The following RPRD2 variants were observed in gnomAD, a reference collection of about 807,000 sequenced individuals.
RPRD2 encodes the protein regulation of nuclear pre-mRNA domain containing 2.
RPRD2 carries 12 observed loss-of-function variants against 104.4 expected under a neutral mutation model. That is an observed-to-expected ratio of 0.11 (90% CI 0.07 to 0.19). The LOEUF (loss-of-function observed/expected upper bound fraction) is 0.19. Ranked by LOEUF, RPRD2 falls within the 10% of genes least tolerant of loss-of-function variation. RPRD2 has a pLI of 1.00. For missense variants in RPRD2, 1,543 were observed against 1,790.1 expected, an observed-to-expected ratio of 0.86 and a Z score of 2.49; for synonymous variants, 714 against 684.9, an observed-to-expected ratio of 1.04 and a Z score of -0.66.
chr1:150,454,400 T>C (rs1424698870), intron 7 of RPRD2, among the ~76,000 whole-genome samples: 1 of 152,148 alleles, frequency 6.6e-6, no homozygotes, highest in Non-Finnish European at 1.5e-5. Context: ...ACTTAGTTTT[T>C]GGTGGCCTTA....
chr1:150,457,351 A>G lies in RPRD2; in HGVS notation c.934A>G (p.Thr312Ala). ...GAAGAAGTTGGATCAATTGAAGTCA[A>G]CCCTTCCAGATCCTGAAGAATCACC... ...LKKKLDQLKSTLPDPEESPVP... is the reference protein window; with the variant it reads ...LKKKLDQLKSALPDPEESPVP... The change falls in exon 8 of 11, where the codon ACC becomes GCC. Residue 312 changes from threonine to alanine, a missense_variant. Around this residue, in one of 4 missense-constraint regions of RPRD2, gnomAD observed 572 missense variants for 787.3 expected, o/e 0.73. Coordinates refer to ENST00000369068, the MANE Select transcript of RPRD2 (RefSeq NM_015203.5). 1 of 1,609,172 alleles carries G rather than the reference A, an allele frequency of 6.2e-7. No individual in the cohort carries two copies.
At chr1:150,465,354 G>A (rs1214803321) in intron 10 of RPRD2, among the ~76,000 whole-genome samples, 1 of 151,840 alleles carries the variant, frequency 6.6e-6, no homozygotes, top group Non-Finnish European at 1.5e-5. Context: ...CTGACCTCAG[G>A]CAGTCCACCC....
At chr1:150,389,321 A>T (rs1216906500) in intron 1 of RPRD2, among the ~76,000 whole-genome samples, 6 of 152,160 alleles carry the variant, frequency 3.9e-5, no homozygotes, top group Admixed American at 3.9e-4. Flanking sequence ...AAGTGCTGGG[A>T]TTACAGGTGT....
Position 150,472,421 on chromosome 1 carries a change from G to C in RPRD2, c.3473G>C (p.Gly1158Ala), listed in dbSNP as rs368855249. 13 of 1,613,928 alleles carry C rather than the reference G, an allele frequency of 8.1e-6. No individual in the cohort carries two copies. Among genetic ancestry groups the C allele is most frequent in the Non-Finnish European group, 1.1e-5 (13 of 1,179,884 alleles). The change falls in exon 11 of 11, where the codon GGC becomes GCC. Residue 1158 changes from glycine to alanine, a missense_variant. By Grantham distance (60) the Gly-to-Ala change is moderately conservative (BLOSUM62 0). Around this residue, in one of 4 missense-constraint regions of RPRD2, gnomAD observed 880 missense variants for 885.6 expected, o/e 0.99. Transcript: ENST00000369068. ...LASLGGGGSG[G>A]LTGFKTAPYK... The stretch of plus-strand genomic sequence containing the variant: ...TCCCTTGGGGGTGGGGGCAGCGGAG[G>C]CCTCACTGGCTTTAAAACAGCACCA...
At chr1:150,436,920 T>TA (rs1320340560) in intron 2 of RPRD2, among the ~76,000 whole-genome samples, 11 of 146,112 alleles carry the variant, frequency 7.5e-5, no homozygotes, top group African/African-American at 2.8e-4. Context: ...AAAGAAAAAA[T>TA]ACAGGCTGGG....
At chr1:150,441,784 C>A in intron 3 of RPRD2, 97 bp from the exon 4 acceptor site, 1 of 704,646 alleles carries the variant, frequency 1.4e-6, no homozygotes, top group Non-Finnish European at 2.4e-6. Flanking sequence ...CACACAGTCT[C>A]GGATTGCCTT....
intron 2 of RPRD2, among the ~76,000 whole-genome samples, chr1:150,440,334 C>G (rs1477794855): frequency 6.6e-6 from 1 of 152,166 alleles, no homozygotes; most frequent in Admixed American, 6.6e-5. Context: ...TCCCAAAGCG[C>G]TGGGATTACA....
chr1:150,411,564 G>A (rs1663919255), intron 1 of RPRD2, among the ~76,000 whole-genome samples: 1 of 120,716 alleles, frequency 8.3e-6, no homozygotes, highest in Non-Finnish European at 1.7e-5. Context: ...CCCAAGGCAG[G>A]TGGATCACCT....
At chr1:150,366,297 A>G (rs587684250) in intron 1 of RPRD2, among the ~76,000 whole-genome samples, 2 of 152,336 alleles carry the variant, frequency 1.3e-5, no homozygotes, top group South Asian at 2.1e-4. Context: ...TTTACCTTTT[A>G]GAGAACAGAT....
Position 150,398,387 on chromosome 1 carries a change from G to A in RPRD2, c.206-19209G>A, listed in dbSNP as rs587610369. 7.9e-5 allele frequency among the ~76,000 whole-genome samples: 12 copies of A among 151,716 alleles called. No individual in the cohort carries two copies. The East Asian group carries it at 1.9e-3, about 25-fold the overall frequency. ...AATTTTTTGTATTTTTAGTAGAGAC[G>A]GGGTTTCACTGTGTTAGCCAGGATG... On this transcript the variant is annotated intron_variant, in intron 1 of 10. Coordinates refer to ENST00000369068, the MANE Select transcript of RPRD2 (RefSeq NM_015203.5).
chr1:150,390,050 T>G (rs1366535877), intron 1 of RPRD2, among the ~76,000 whole-genome samples: 1 of 152,178 alleles, frequency 6.6e-6, no homozygotes, highest in Non-Finnish European at 1.5e-5. Flanking sequence ...TTTCTCTGAT[T>G]AGGCTTTCAG....
At chr1:150,383,284 G>A (rs1263498614) in intron 1 of RPRD2, among the ~76,000 whole-genome samples, 4 of 148,804 alleles carry the variant, frequency 2.7e-5, no homozygotes, top group Admixed American at 6.7e-5. Context: ...TGTGAGCCAC[G>A]AGACCTGGCC....
In RPRD2 at chr1:150,437,450, T is replaced by G. The variant is rs1424477040; in HGVS notation, c.336-3473T>G. Among the ~76,000 whole-genome samples the G allele has an allele frequency of 2.6e-5, 4 of 152,206 alleles. No individual in the cohort carries two copies. In the East Asian group the frequency reaches 7.7e-4, roughly 29 times the overall value. On this transcript the variant is annotated intron_variant, in intron 2 of 10. Coordinates refer to ENST00000369068, the MANE Select transcript of RPRD2 (RefSeq NM_015203.5). ...AAAAAGAATATGATTTGCTGGAGAC[T>G]CAGATGATTGTTAAGAGTTTTTTAG...
intron 2 of RPRD2, among the ~76,000 whole-genome samples, chr1:150,430,298 G>A (rs1433909217): frequency 6.6e-6 from 1 of 152,138 alleles, no homozygotes; most frequent in Non-Finnish European, 1.5e-5. Context: ...ATAATCTATA[G>A]GAACTCTTGA....
chr1:150,377,337 A>C lies in RPRD2; in HGVS notation c.205+12418A>C, dbSNP rs587662882. 4.6e-5 allele frequency among the ~76,000 whole-genome samples: 7 copies of C among 152,282 alleles called. No homozygotes were observed. The South Asian group carries it at 1.4e-3, about 32-fold the overall frequency. ...GTAAATGGGCCGGGCGCGGTGGCTC[A>C]CGCCTGTAATCCCAGTACTTTGGGA... On this transcript the variant is annotated intron_variant, in intron 1 of 10. Transcript: ENST00000369068.
chr1:150,435,725 T>C (rs1553892944), intron 2 of RPRD2, among the ~76,000 whole-genome samples: 1 of 152,226 alleles, frequency 6.6e-6, no homozygotes, highest in Non-Finnish European at 1.5e-5. Context: ...AAGTGTAAGA[T>C]GAAGCAGCAA....
chr1:150,448,147 T>G (rs1348446021), intron 7 of RPRD2, among the ~76,000 whole-genome samples: 13 of 152,144 alleles, frequency 8.5e-5, no homozygotes, highest in African/African-American at 2.9e-4. Flanking sequence ...CCAGCTTCAA[T>G]CAACTATATT....
chr1:150,461,894 G>A (rs1404311821), intron 9 of RPRD2, among the ~76,000 whole-genome samples: 2 of 151,504 alleles, frequency 1.3e-5, no homozygotes, highest in Non-Finnish European at 2.9e-5. Context: ...GCAGGAGAAT[G>A]GCCTGAACCC....
In RPRD2 at chr1:150,388,368, G is replaced by GTA. The variant is rs1197163000; in HGVS notation, c.205+23452_205+23453dup. Among the ~76,000 whole-genome samples, 6 of 117,748 alleles carry GTA rather than the reference G, an allele frequency of 5.1e-5. No individual in the cohort carries two copies. In the East Asian group the frequency reaches 6.2e-4, roughly 12 times the overall value. The allele number at this position is 117,748 out of a possible 152,430, so 77.2% of individuals were successfully genotyped here. A position where few individuals can be genotyped will look rare whatever the true frequency, so the allele number is the denominator to read the frequency against. On this transcript the variant is annotated intron_variant, in intron 1 of 10. Coordinates refer to ENST00000369068, the MANE Select transcript of RPRD2 (RefSeq NM_015203.5). The stretch of plus-strand genomic sequence containing the variant: ...TACACACACATATACATATATACAT[G>GTA]TATACACATATACACGTATACACAT...
Sources: allele counts gnomAD v4.1 joint callset (sites outside exome capture counted in the v4.1 genomes callset), GRCh38; gene constraint gnomAD v4.1.1; regional missense constraint gnomAD v4.1.1; transcripts MANE v1.5; gene names NCBI Gene and HGNC (gene_info 2026-07-23, HGNC 2026-07-21).